NLGN4Y: variants seen among roughly 807,000 people sequenced by gnomAD.
NLGN4Y encodes neuroligin-4, Y-linked.
In NLGN4Y, 4 loss-of-function variants were observed where a neutral mutation model predicts 8.4. The ratio of observed to expected loss-of-function variants is 0.48; its 90% CI spans 0.23 to 1.09. The LOEUF is 1.09. Ranked by LOEUF, NLGN4Y falls within the 50% of genes least tolerant of loss-of-function variation. The pLI, the probability that NLGN4Y is intolerant of heterozygous loss-of-function variation, is 0.19. For missense variants in NLGN4Y, 90 were observed against 192.3 expected, an observed-to-expected ratio of 0.47 and a Z score of 3.15; for synonymous variants, 35 against 75.6, an observed-to-expected ratio of 0.46 and a Z score of 2.78.
intron 2 of NLGN4Y, among the ~76,000 whole-genome samples, chrY:14,627,392 T>C: frequency 6.0e-5 from 2 of 33,189 alleles, no homozygotes; most frequent in Non-Finnish European, 1.5e-4. Context: ...GAGCCCACCG[T>C]TGGGGGGGCT....
intron 1 of NLGN4Y, among the ~76,000 whole-genome samples, chrY:14,554,572 A>G (rs954042662): frequency 3.1e-5 from 1 of 32,709 alleles, no homozygotes; most frequent in Non-Finnish European, 7.4e-5. Context: ...AGTTTGTTGA[A>G]CTGCGCAGAT....
intron 2 of NLGN4Y, among the ~76,000 whole-genome samples, chrY:14,627,262 C>T (rs945338414): frequency 6.0e-5 from 2 of 33,177 alleles, no homozygotes; most frequent in African/African-American, 2.3e-4. Context: ...TAGTGGATCC[C>T]GCGCTGGGGC....
chrY:14,717,218 C>T, intron 2 of NLGN4Y, among the ~76,000 whole-genome samples: 1 of 33,185 alleles, frequency 3.0e-5, no homozygotes, highest in Admixed American at 2.7e-4. Context: ...ACGGTGAAAC[C>T]CCGTCTCTAC....
At chrY:14,695,271 C>T (rs2080823622) in intron 2 of NLGN4Y, among the ~76,000 whole-genome samples, 1 of 33,907 alleles carries the variant, frequency 2.9e-5, no homozygotes, top group Non-Finnish European at 7.3e-5. Flanking sequence ...TCCCATTCTG[C>T]ATTATACATT....
intron 2 of NLGN4Y, among the ~76,000 whole-genome samples, chrY:14,653,251 CGT>C (rs757553075): frequency 3.3e-5 from 1 of 30,070 alleles, no homozygotes; most frequent in Non-Finnish European, 7.9e-5. Flanking sequence ...TACATGTTTA[CGT>C]GTGTGTGTGT....
At position 14,816,549 on chromosome Y, in the gene NLGN4Y, T is replaced by C; in HGVS notation, c.686-7639T>C. ...GTTAGATAAGCATAGTTTCTACCTATATACACATTTATTATTTTTGCTTTT... is the reference window on the plus strand; with the variant it reads ...GTTAGATAAGCATAGTTTCTACCTACATACACATTTATTATTTTTGCTTTT... On this transcript the variant is annotated intron_variant, in intron 4 of 6. Coordinates refer to ENST00000684976, the MANE Select transcript of NLGN4Y (RefSeq NM_001365588.1). Among the ~76,000 whole-genome samples the C allele has an allele frequency of 1.5e-4, 5 of 34,270 alleles. No individual in the cohort carries two copies. The South Asian group carries it at 3.2e-3, about 22-fold the overall frequency. The allele number at this position is 34,270 out of a possible 37,273, so 91.9% of individuals were successfully genotyped here. A position where few individuals can be genotyped will look rare whatever the true frequency, so the allele number is the denominator to read the frequency against.
intron 5 of NLGN4Y, among the ~76,000 whole-genome samples, chrY:14,825,499 CTCTG>C (rs2043141249): frequency 3.3e-5 from 1 of 30,650 alleles, no homozygotes; most frequent in South Asian, 7.9e-4. Flanking sequence ...CCCCTTCACA[CTCTG>C]TCTCTCTCCC....
intron 2 of NLGN4Y, among the ~76,000 whole-genome samples, chrY:14,694,451 T>C (rs2080821357): frequency 3.0e-5 from 1 of 33,586 alleles, no homozygotes; most frequent in African/African-American, 1.2e-4. Context: ...ACCATCTCTC[T>C]GGATGGAAAT....
chrY:14,733,816 A>G, intron 4 of NLGN4Y, among the ~76,000 whole-genome samples: 1 of 32,903 alleles, frequency 3.0e-5, no homozygotes, highest in Non-Finnish European at 7.4e-5. Context: ...GCAATTTTGG[A>G]TGCCAGCAAT....
chrY:14,745,739 C>T (rs2081022346), intron 4 of NLGN4Y, among the ~76,000 whole-genome samples: 1 of 33,176 alleles, frequency 3.0e-5, no homozygotes, highest in Non-Finnish European at 7.4e-5. Flanking sequence ...TATAAAATGT[C>T]TTGTTCAGTA....
chrY:14,581,322 A>G (rs2080319250), intron 1 of NLGN4Y, among the ~76,000 whole-genome samples: 1 of 32,499 alleles, frequency 3.1e-5, no homozygotes. Flanking sequence ...GCTAAACAAC[A>G]TTAAGAAATT....
chrY:14,800,588 A>T, intron 4 of NLGN4Y, among the ~76,000 whole-genome samples: 5 of 30,173 alleles, frequency 1.7e-4, no homozygotes, highest in Admixed American at 1.7e-3. Flanking sequence ...CTCTCTATAT[A>T]TATATTTTTT....
intron 1 of NLGN4Y, among the ~76,000 whole-genome samples, chrY:14,560,454 C>T (rs904809604): frequency 6.0e-5 from 2 of 33,318 alleles, no homozygotes; most frequent in African/African-American, 2.3e-4. Context: ...ATTAATTAGA[C>T]GTATTTTGCA....
chrY:14,593,972 CAAG>C (rs2080384188), intron 1 of NLGN4Y, among the ~76,000 whole-genome samples: 1 of 33,538 alleles, frequency 3.0e-5, no homozygotes, highest in Non-Finnish European at 7.4e-5. Flanking sequence ...TCAGGCATAA[CAAG>C]AAAGGCATGT....
At chrY:14,633,252 T>C (rs2080554568) in intron 2 of NLGN4Y, among the ~76,000 whole-genome samples, 1 of 33,980 alleles carries the variant, frequency 2.9e-5, no homozygotes, top group Non-Finnish European at 7.3e-5. Flanking sequence ...GATGTTGTAG[T>C]CTAATTTTTG....
intron 2 of NLGN4Y, among the ~76,000 whole-genome samples, chrY:14,699,426 C>T (rs775334670): frequency 1.1e-3 from 37 of 33,589 alleles, no homozygotes; most frequent in African/African-American, 3.9e-3. Context: ...TTGGACACCC[C>T]GGCAGAGGGA....
chrY:14,747,482 C>A, intron 4 of NLGN4Y, among the ~76,000 whole-genome samples: 1 of 33,260 alleles, frequency 3.0e-5, no homozygotes, highest in African/African-American at 1.2e-4. Context: ...GTACACCCTG[C>A]AGAACTGTGA....
At chrY:14,692,115 C>A in intron 2 of NLGN4Y, among the ~76,000 whole-genome samples, 2 of 32,613 alleles carry the variant, frequency 6.1e-5, no homozygotes, top group Non-Finnish European at 1.5e-4. Flanking sequence ...GAACTTTGAA[C>A]CTAAATGGGG....
intron 6 of NLGN4Y, 141 bp from the exon 7 acceptor site, chrY:14,840,272 C>G: frequency 5.2e-6 from 1 of 192,388 alleles, no homozygotes; most frequent in South Asian, 4.6e-5. Context: ...CAGAATGTAC[C>G]TTTGCTGCTT....
Sources: allele counts gnomAD v4.1 joint callset (sites outside exome capture counted in the v4.1 genomes callset), GRCh38; gene constraint gnomAD v4.1.1; transcripts MANE v1.5; gene names NCBI Gene and HGNC (gene_info 2026-07-23, HGNC 2026-07-21).